Variants in PARVB observed in about 807,000 individuals in gnomAD.
PARVB encodes beta-parvin.
Under a neutral mutation model 47.0 loss-of-function variants are expected in PARVB, and 46 were observed. The observed-to-expected ratio is 0.98, with a 90% CI of 0.77 to 1.25. PARVB has a LOEUF of 1.25. PARVB is among the 50% of genes most tolerant of loss of function. PARVB has a pLI of 0.00. For synonymous variants in PARVB, 196 were observed against 196.3 expected, an observed-to-expected ratio of 1.00 and a Z score of 0.01; for missense variants, 473 against 471.6, an observed-to-expected ratio of 1.00 and a Z score of -0.03.
At chr22:44,072,790 A>G (rs1432875194) in intron 1 of PARVB, among the ~76,000 whole-genome samples, 1 of 152,114 alleles carries the variant, frequency 6.6e-6, no homozygotes, top group Non-Finnish European at 1.5e-5. Flanking sequence ...TTCCTGCTAC[A>G]GGATAGCCCA....
Position 44,166,429 on chromosome 22 carries a change from A to C in PARVB, c.1019-2173A>C, listed in dbSNP as rs1398719527. On this transcript the variant is annotated intron_variant, in intron 12 of 12. Coordinates refer to ENST00000338758, the MANE Select transcript of PARVB (RefSeq NM_013327.5). ...CTGGCCCTTTGTCCCGTTTTTGAGG[A>C]GTGAGGCAGGAGCCTGTCCAGAGGC... Among the ~76,000 whole-genome samples, 2 of 152,172 alleles carry C rather than the reference A, an allele frequency of 1.3e-5. 1 individual carries two copies. Among genetic ancestry groups the C allele is most frequent in the African/African-American group, 4.8e-5 (2 of 41,454 alleles).
At chr22:44,117,126 T>C (rs965085658) in intron 3 of PARVB, among the ~76,000 whole-genome samples, 27 of 151,720 alleles carry the variant, frequency 1.8e-4, no homozygotes, top group African/African-American at 6.1e-4. Context: ...GAACCCCCTC[T>C]CCCCACCCCG....
At chr22:44,104,029 C>A (rs1412989551) in intron 3 of PARVB, 1 of 152,272 alleles carries the variant, frequency 6.6e-6, no homozygotes, top group East Asian at 1.9e-4. Flanking sequence ...CCACAAGCAA[C>A]TAACACCATC....
chr22:44,136,308 C>G (rs1227918793), intron 6 of PARVB, 152 bp from the exon 7 acceptor site: 2 of 712,576 alleles, frequency 2.8e-6, no homozygotes, highest in Non-Finnish European at 5.0e-6. Context: ...TGTACTCACC[C>G]AGGCCTGGCA....
At position 44,068,905 on chromosome 22, in the gene PARVB, G is replaced by A. The variant is rs1331846736; in HGVS notation, c.113-25023G>A. Among the ~76,000 whole-genome samples, 1 of 152,204 alleles carries A rather than the reference G, an allele frequency of 6.6e-6. No individual in the cohort carries two copies. Among genetic ancestry groups the A allele is most frequent in the Non-Finnish European group, 1.5e-5 (1 of 68,036 alleles). ...CTGGGGAGCAGTTGCCCTGGCCCAT[G>A]AGGCTGATGGGAGTCAAGACAGAAA... On this transcript the variant is annotated intron_variant, in intron 1 of 12. Transcript: ENST00000338758. The surrounding 1 kb of genome is among the most constrained non-coding windows in gnomAD (Gnocchi z 4.1).
intron 3 of PARVB, among the ~76,000 whole-genome samples, chr22:44,102,370 A>G (rs1403606877): frequency 6.6e-6 from 1 of 152,224 alleles, no homozygotes; most frequent in Non-Finnish European, 1.5e-5. Context: ...TGGGCACCCC[A>G]GAGCCCAGGC....
intron 1 of PARVB, among the ~76,000 whole-genome samples, chr22:44,084,697 C>T (rs1218264479): frequency 6.6e-6 from 1 of 152,184 alleles, no homozygotes; most frequent in Admixed American, 6.5e-5. Context: ...CAGGACTTTC[C>T]CTCCCCAGCT....
intron 1 of PARVB, among the ~76,000 whole-genome samples, chr22:44,070,801 G>A (rs747584528): frequency 2.6e-5 from 4 of 152,230 alleles, no homozygotes; most frequent in Admixed American, 1.3e-4. Context: ...GGTAGACCCT[G>A]CCCGCACCTC....
intron 1 of PARVB, among the ~76,000 whole-genome samples, chr22:44,027,419 C>A (rs1401926293): frequency 6.6e-6 from 1 of 152,178 alleles, no homozygotes; most frequent in Non-Finnish European, 1.5e-5. Flanking sequence ...CACACATTTG[C>A]CACAAGAGGC....
chr22:44,125,500 A>C lies in PARVB; in HGVS notation c.377-5987A>C, dbSNP rs75375650. Among the ~76,000 whole-genome samples, 1,503 of 152,262 alleles carry C rather than the reference A, an allele frequency of 9.9e-3. 25 individuals carry two copies. Among genetic ancestry groups the C allele is most frequent in the African/African-American group, 0.034 (1,433 of 41,540 alleles). ...GGGGGTTGGGGAAGGCAATCCAGGG[A>C]AGCTCCTCTGGGGAGGCGACATCTG... On this transcript the variant is annotated intron_variant, in intron 4 of 12. Coordinates refer to ENST00000338758, the MANE Select transcript of PARVB (RefSeq NM_013327.5). This position sits in a 1 kb window ranked among gnomAD's most constrained non-coding sequence, Gnocchi z 4.1.
At chr22:44,012,468 T>G (rs529607082) in intron 2 of PARVB, among the ~76,000 whole-genome samples, 64 of 152,344 alleles carry the variant, frequency 4.2e-4, no homozygotes, top group Non-Finnish European at 6.6e-4. Flanking sequence ...GTATTTACTG[T>G]GAACATCGCA....
chr22:44,168,881 C>T lies in PARVB; in HGVS notation c.*203C>T. The T allele has an allele frequency of 1.9e-6, 1 of 538,832 alleles. No homozygotes were observed. The highest frequency in any genetic ancestry group is 5.0e-4 in the Middle Eastern group (1 of 1,994). The allele number at this position is 538,832 out of a possible 1,614,324, so 33.4% of individuals were successfully genotyped here. ...TTCTTAATCTCCTCTCCATGTAGTT[C>T]CCAGTGGGCAAGAGCCTTTGAAAAT... On this transcript the variant is annotated 3_prime_UTR_variant, in exon 13 of 13. Coordinates refer to ENST00000338758, the MANE Select transcript of PARVB (RefSeq NM_013327.5).
At chr22:44,093,306 A>T (rs1232448181) in intron 1 of PARVB, among the ~76,000 whole-genome samples, 1 of 152,164 alleles carries the variant, frequency 6.6e-6, no homozygotes, top group Non-Finnish European at 1.5e-5. Context: ...CAGATCCTGT[A>T]ACTGTTCAGC....
rs934565541 is a variant in PARVB at position 44,049,852 on chromosome 22, C to T, written c.112+25401C>T. On this transcript the variant is annotated intron_variant, in intron 1 of 12. Coordinates refer to ENST00000338758, the MANE Select transcript of PARVB (RefSeq NM_013327.5). This position sits in a 1 kb window ranked among gnomAD's most constrained non-coding sequence, Gnocchi z 4.0. The stretch of plus-strand genomic sequence containing the variant: ...GTAGGTTTTATTGCCAAAGCCGTCC[C>T]GGCCTTGGCCTCAGCCTCTGTGTGG... Among the ~76,000 whole-genome samples the T allele has an allele frequency of 6.6e-6, 1 of 152,260 alleles. No homozygotes were observed. Among genetic ancestry groups the T allele is most frequent in the African/African-American group, 2.4e-5 (1 of 41,472 alleles).
At chr22:44,005,941 G>A (rs1219032861) in intron 2 of PARVB, among the ~76,000 whole-genome samples, 2 of 151,988 alleles carry the variant, frequency 1.3e-5, no homozygotes, top group Non-Finnish European at 2.9e-5. Context: ...TTGTTTGTGC[G>A]TTTTGCCCAA....
chr22:44,131,965 A>C (rs738484), intron 5 of PARVB, among the ~76,000 whole-genome samples: 2 of 151,986 alleles, frequency 1.3e-5, no homozygotes, highest in African/African-American at 4.8e-5. Flanking sequence ...AACCCCAAAT[A>C]CTGGTGGCAG....
chr22:44,134,749 G>T (rs747066967), intron 6 of PARVB, among the ~76,000 whole-genome samples: 11 of 152,190 alleles, frequency 7.2e-5, no homozygotes, highest in Non-Finnish European at 1.5e-4. Flanking sequence ...GGCATTTCCA[G>T]GGTGGAAGGA....
At chr22:44,002,145 A>C (rs769432554) in intron 2 of PARVB, among the ~76,000 whole-genome samples, 1 of 152,244 alleles carries the variant, frequency 6.6e-6, no homozygotes, top group Non-Finnish European at 1.5e-5. Context: ...CCAGTGAACC[A>C]AGTAACTAAG....
At chr22:44,111,881 T>C (rs2052706851) in intron 3 of PARVB, 1 of 152,040 alleles carries the variant, frequency 6.6e-6, no homozygotes, top group Non-Finnish European at 1.5e-5. Flanking sequence ...GAAGAGGCTC[T>C]GTCACTGGCC....
Sources: allele counts gnomAD v4.1 joint callset (sites outside exome capture counted in the v4.1 genomes callset), GRCh38; gene constraint gnomAD v4.1.1; non-coding constraint Gnocchi (gnomAD v3.1); transcripts MANE v1.5; gene names NCBI Gene and HGNC (gene_info 2026-07-23, HGNC 2026-07-21).